COG5: variants seen among roughly 807,000 people sequenced by gnomAD.
COG5 encodes component of oligomeric golgi complex 5, also known as conserved oligomeric Golgi complex subunit 5.
A neutral mutation model predicts 110.4 loss-of-function variants in COG5; 86 were observed. The ratio of observed to expected loss-of-function variants is 0.78; its 90% CI spans 0.65 to 0.93. COG5 has a LOEUF of 0.93. Among genes scored for constraint, COG5 ranks in the 40% least tolerant of loss-of-function variants. The pLI, the probability that COG5 is intolerant of heterozygous loss-of-function variation, is 0.00. For missense variants in COG5, 1,077 were observed against 987.0 expected, an observed-to-expected ratio of 1.09 and a Z score of -1.22; for synonymous variants, 360 against 334.6, an observed-to-expected ratio of 1.08 and a Z score of -0.83.
At chr7:107,230,012 A>G (rs977647768) in intron 19 of COG5, among the ~76,000 whole-genome samples, 1 of 151,658 alleles carries the variant, frequency 6.6e-6, no homozygotes, top group Non-Finnish European at 1.5e-5. Context: ...CACCATGCCC[A>G]GCTAATTTTT....
intron 10 of COG5, among the ~76,000 whole-genome samples, chr7:107,354,347 G>A (rs1812439327): frequency 6.6e-6 from 1 of 152,174 alleles, no homozygotes; most frequent in Non-Finnish European, 1.5e-5. Flanking sequence ...CATTTGTTCA[G>A]TTTATGAACC....
chr7:107,467,526 A>AT lies in COG5; in HGVS notation c.539-54895dup, dbSNP rs1584861311. ...TTGTGCCACCATGCCTAATTTTTGT[A>AT]TTTTTTGTAGAGACAGGGTTTCACC... is the stretch of plus-strand genomic sequence containing the variant. On this transcript the variant is annotated intron_variant, in intron 6 of 21. Coordinates refer to ENST00000297135, the MANE Select transcript of COG5 (RefSeq NM_006348.5). Among the ~76,000 whole-genome samples the AT allele has an allele frequency of 2.0e-5, 3 of 152,034 alleles. No homozygotes were observed. In the South Asian group the frequency reaches 6.2e-4, roughly 32 times the overall value.
At chr7:107,558,260 A>C in intron 1 of COG5, 145 bp from the exon 2 acceptor site, 1 of 772,856 alleles carries the variant, frequency 1.3e-6, no homozygotes, top group Admixed American at 2.3e-5. Flanking sequence ...GCTTACTTTT[A>C]TCATGACCCT....
intron 14 of COG5, among the ~76,000 whole-genome samples, chr7:107,268,697 C>A (rs1257580230): frequency 3.3e-5 from 5 of 152,144 alleles, no homozygotes; most frequent in Non-Finnish European, 1.5e-5. Context: ...TAATTCTTTA[C>A]CTTCCTGTAA....
intron 10 of COG5, among the ~76,000 whole-genome samples, chr7:107,343,065 C>A (rs753328091): frequency 6.6e-6 from 1 of 152,132 alleles, no homozygotes; most frequent in Non-Finnish European, 1.5e-5. Context: ...TGTCTTTTTA[C>A]AGCAACATGG....
intron 11 of COG5, among the ~76,000 whole-genome samples, chr7:107,320,051 T>A (rs1277766063): frequency 1.3e-5 from 2 of 151,968 alleles, no homozygotes; most frequent in African/African-American, 2.4e-5. Context: ...TGTTGTAGAG[T>A]GTGACATGTT....
chr7:107,415,079 G>A (rs1480179995), intron 6 of COG5, among the ~76,000 whole-genome samples: 1 of 152,138 alleles, frequency 6.6e-6, no homozygotes, highest in Admixed American at 6.5e-5. Flanking sequence ...AACAAAAAAA[G>A]GAAAGTACAA....
intron 6 of COG5, among the ~76,000 whole-genome samples, chr7:107,452,739 T>G (rs949146263): frequency 6.6e-6 from 1 of 152,214 alleles, no homozygotes; most frequent in Non-Finnish European, 1.5e-5. Context: ...TATGTCTTTA[T>G]CAACAGTGTG....
intron 10 of COG5, among the ~76,000 whole-genome samples, chr7:107,343,033 A>T (rs1811302565): frequency 6.6e-6 from 1 of 152,212 alleles, no homozygotes; most frequent in African/African-American, 2.4e-5. Flanking sequence ...AATACTACAC[A>T]GCCAAACAAA....
At chr7:107,330,806 T>C in intron 10 of COG5, among the ~76,000 whole-genome samples, 1 of 151,146 alleles carries the variant, frequency 6.6e-6, no homozygotes. Flanking sequence ...AGAATCAGGA[T>C]CTCTTGAGCT....
chr7:107,508,138 G>T (rs1584910442), intron 6 of COG5, among the ~76,000 whole-genome samples: 1 of 152,216 alleles, frequency 6.6e-6, no homozygotes, highest in African/African-American at 2.4e-5. Flanking sequence ...GTCAAAGAAA[G>T]GGGTGACAGA....
At chr7:107,383,706 T>C (rs528484046) in intron 7 of COG5, among the ~76,000 whole-genome samples, 1 of 152,300 alleles carries the variant, frequency 6.6e-6, no homozygotes, top group African/African-American at 2.4e-5. Context: ...TGTTCCTCTC[T>C]TTCTAAATGG....
chr7:107,280,208 A>G (rs1562948277), intron 14 of COG5, among the ~76,000 whole-genome samples: 1 of 152,132 alleles, frequency 6.6e-6, no homozygotes, highest in Non-Finnish European at 1.5e-5. Flanking sequence ...AAGAGCTTCT[A>G]TATCTCTGTA....
chr7:107,374,864 C>T (rs1348020442), intron 7 of COG5, among the ~76,000 whole-genome samples: 1 of 151,846 alleles, frequency 6.6e-6, no homozygotes, highest in Non-Finnish European at 1.5e-5. Context: ...AAAAAAACTG[C>T]AAAATAATTA....
intron 1 of COG5, among the ~76,000 whole-genome samples, chr7:107,558,552 C>A (rs982611160): frequency 6.7e-6 from 1 of 148,590 alleles, no homozygotes; most frequent in African/African-American, 2.5e-5. Context: ...TGCAGTGAGC[C>A]GAGATCGTGC....
At chr7:107,236,790 A>T (rs1801226820) in intron 17 of COG5, 103 bp from the exon 18 acceptor site, 1 of 814,008 alleles carries the variant, frequency 1.2e-6, no homozygotes, top group Non-Finnish European at 2.2e-6. Context: ...ATCCTTTGTA[A>T]TGTTTTCCCT....
intron 14 of COG5, among the ~76,000 whole-genome samples, chr7:107,264,603 G>A (rs1803648462): frequency 6.6e-6 from 1 of 152,068 alleles, no homozygotes. Context: ...TAAGGTGTGA[G>A]GATGGTGTGA....
chr7:107,449,853 A>G (rs1164866153), intron 6 of COG5, among the ~76,000 whole-genome samples: 1 of 152,204 alleles, frequency 6.6e-6, no homozygotes, highest in African/African-American at 2.4e-5. Flanking sequence ...TTTTTATCTC[A>G]TATTGAAAAT....
intron 10 of COG5, among the ~76,000 whole-genome samples, chr7:107,341,763 A>G (rs1811188175): frequency 6.6e-6 from 1 of 152,172 alleles, no homozygotes; most frequent in South Asian, 2.1e-4. Context: ...AAAAGTCTAC[A>G]AAAATAAGCA....
Sources: gnomAD v4.1 joint callset for allele counts (sites outside exome capture counted in the v4.1 genomes callset) on GRCh38, gnomAD v4.1.1 for gene constraint, MANE v1.5 for transcripts, NCBI Gene and HGNC (gene_info 2026-07-23, HGNC 2026-07-21) for gene names.